Variants in AFAP1L2 observed in about 807,000 individuals in gnomAD.
The protein encoded by AFAP1L2 is actin filament associated protein 1 like 2, also known as actin filament-associated protein 1-like 2.
In AFAP1L2, 46 loss-of-function variants were observed where a neutral mutation model predicts 99.3. The observed-to-expected ratio is 0.46, with a 90% CI of 0.37 to 0.59. The LOEUF (loss-of-function observed/expected upper bound fraction) is 0.59, where lower values mean the gene tolerates loss of function less well. AFAP1L2 is among the 20% of genes least tolerant of loss of function. The pLI, the probability that AFAP1L2 is intolerant of heterozygous loss-of-function variation, is 0.00. For missense variants in AFAP1L2, 959 were observed against 1,034.9 expected (o/e 0.93, Z 1.01); for synonymous variants, 397 against 419.1 (o/e 0.95, Z 0.64).
chr10:114,344,342 A>G (rs1409173661), intron 1 of AFAP1L2, among the ~76,000 whole-genome samples: 3 of 152,186 alleles, frequency 2.0e-5, no homozygotes, highest in Non-Finnish European at 4.4e-5. Flanking sequence ...TTCAGGGGAC[A>G]AGGGAAAGTG....
intron 16 of AFAP1L2, among the ~76,000 whole-genome samples, chr10:114,298,194 A>C (rs774808776): frequency 6.6e-6 from 1 of 152,094 alleles, no homozygotes; most frequent in Admixed American, 6.5e-5. Flanking sequence ...CCTGGCCAAC[A>C]TGGTGAAATC....
chr10:114,339,152 G>C (rs1292997488), intron 2 of AFAP1L2, among the ~76,000 whole-genome samples: 1 of 152,226 alleles, frequency 6.6e-6, no homozygotes, highest in Non-Finnish European at 1.5e-5. Context: ...CAGCATGGAA[G>C]AGTGCTTTGA....
intron 12 of AFAP1L2, 108 bp from the exon 13 acceptor site, chr10:114,301,573 A>G (rs2041202491): frequency 1.3e-6 from 1 of 787,838 alleles, no homozygotes; most frequent in Non-Finnish European, 2.2e-6. Context: ...AGTGGTGGCC[A>G]CACAAGAGAT....
At chr10:114,305,685 G>A (rs2042173009) in intron 10 of AFAP1L2, among the ~76,000 whole-genome samples, 2 of 138,646 alleles carry the variant, frequency 1.4e-5, no homozygotes, top group East Asian at 2.3e-4. Context: ...GAGGGGACGG[G>A]GCTGCAGGAG....
the AFAP1L2 span, chr10:114,282,476 A>AC: frequency 6.4e-7 from 1 of 1,562,032 alleles, no homozygotes; most frequent in Non-Finnish European, 8.8e-7. Context: ...CTCCCCTTAC[A>AC]CCTCTGATCT....
At position 114,384,953 on chromosome 10, in the gene AFAP1L2, AT is replaced by A. The variant is rs1393344614; in HGVS notation, c.16+19486del. Among the ~76,000 whole-genome samples, 5 of 152,336 alleles carry A rather than the reference AT, an allele frequency of 3.3e-5. No homozygotes were observed. The East Asian group carries it at 9.6e-4, about 29-fold the overall frequency. On this transcript the variant is annotated intron_variant, in intron 1 of 18. Coordinates refer to ENST00000304129, the MANE Select transcript of AFAP1L2 (RefSeq NM_001001936.3). Reference sequence around the variant, plus strand: ...CTGTGTGCCAGACACTCTGCAGCACATTTTAGGAGCTGTAAAACAGAGACAT... The same window carrying A: ...CTGTGTGCCAGACACTCTGCAGCACATTTAGGAGCTGTAAAACAGAGACAT...
At chr10:114,385,054 C>A (rs115315154) in intron 1 of AFAP1L2, among the ~76,000 whole-genome samples, 4 of 152,148 alleles carry the variant, frequency 2.6e-5, no homozygotes, top group African/African-American at 9.6e-5. Context: ...GCAGCAGGGG[C>A]CAGAGGTGAT....
At chr10:114,291,398 G>T, downstream of AFAP1L2, 1 of 784,670 alleles carries the variant, frequency 1.3e-6, no homozygotes, top group South Asian at 1.9e-5. Flanking sequence ...TCTCACTGAG[G>T]GAGGAGGATG....
chr10:114,386,694 C>T (rs1017093815), intron 1 of AFAP1L2, among the ~76,000 whole-genome samples: 5 of 152,156 alleles, frequency 3.3e-5, no homozygotes, highest in Admixed American at 3.3e-4. Flanking sequence ...TTCCTTAGGC[C>T]CAGCAGGCCC....
chr10:114,341,127 T>G (rs1056461450), intron 1 of AFAP1L2, among the ~76,000 whole-genome samples: 1 of 152,268 alleles, frequency 6.6e-6, no homozygotes, highest in African/African-American at 2.4e-5. Flanking sequence ...CTCTTAGAGC[T>G]GTGGCTAGAA....
chr10:114,327,134 ATT>A (rs2046396627), intron 4 of AFAP1L2, among the ~76,000 whole-genome samples: 1 of 68,224 alleles, frequency 1.5e-5, no homozygotes, highest in African/African-American at 3.5e-5. Flanking sequence ...AAGACCGTGA[ATT>A]TTATATATAT....
intron 1 of AFAP1L2, among the ~76,000 whole-genome samples, chr10:114,374,021 A>G (rs1175419628): frequency 6.6e-6 from 1 of 152,082 alleles, no homozygotes; most frequent in African/African-American, 2.4e-5. Context: ...CCCTGCCTTC[A>G]CGGACCTTCT....
At chr10:114,369,179 G>A (rs2053729486) in intron 1 of AFAP1L2, among the ~76,000 whole-genome samples, 1 of 152,140 alleles carries the variant, frequency 6.6e-6, no homozygotes, top group African/African-American at 2.4e-5. Context: ...TTTATTGGCT[G>A]GGTGTAGTAA....
chr10:114,363,001 G>A (rs539314889), intron 1 of AFAP1L2: 2 of 985,420 alleles, frequency 2.0e-6, no homozygotes, highest in South Asian at 9.4e-5. Context: ...CCCGACAGGT[G>A]GGGAGGGACA....
chr10:114,282,017 C>CTTTTTTTTTT, the AFAP1L2 span, among the ~76,000 whole-genome samples: 3 of 119,704 alleles, frequency 2.5e-5, no homozygotes, highest in African/African-American at 3.2e-5. Context: ...CTTATGTTAC[C>CTTTTTTTTTT]TTTTTTTTTT....
At chr10:114,322,123 C>A (rs915566193) in intron 5 of AFAP1L2, among the ~76,000 whole-genome samples, 1 of 152,178 alleles carries the variant, frequency 6.6e-6, no homozygotes, top group East Asian at 1.9e-4. Flanking sequence ...CCATGTAAGA[C>A]GTCTTTGCTC....
intron 1 of AFAP1L2, among the ~76,000 whole-genome samples, chr10:114,394,565 A>G (rs2057491702): frequency 6.6e-6 from 1 of 152,164 alleles, no homozygotes; most frequent in Admixed American, 6.5e-5. Context: ...AGTGGTAGAA[A>G]GAAACAGAGT....
At chr10:114,305,005 T>C in intron 10 of AFAP1L2, 75 bp from the exon 11 acceptor site, 1 of 244,224 alleles carries the variant, frequency 4.1e-6, no homozygotes, top group Non-Finnish European at 6.5e-6. Context: ...GGGCGGGGCT[T>C]CGGGAGGGCA....
the AFAP1L2 span, chr10:114,280,789 A>G: frequency 6.6e-6 from 1 of 152,130 alleles, no homozygotes. Flanking sequence ...ACCAGGATGG[A>G]GTACAGTGGC....
Sources: gnomAD v4.1 joint callset for allele counts (sites outside exome capture counted in the v4.1 genomes callset) on GRCh38, gnomAD v4.1.1 for gene constraint, MANE v1.5 for transcripts, NCBI Gene and HGNC (gene_info 2026-07-23, HGNC 2026-07-21) for gene names.